Variants in ST6GALNAC3 observed in about 807,000 individuals in gnomAD.
ST6GALNAC3 encodes the protein ST6 N-acetylgalactosaminide alpha-2,6-sialyltransferase 3, also known as alpha-N-acetylgalactosaminide alpha-2,6-sialyltransferase 3.
In ST6GALNAC3, 25 loss-of-function variants were observed where a neutral mutation model predicts 32.7. That is an observed-to-expected ratio of 0.76 (90% CI 0.56 to 1.07). ST6GALNAC3 has a LOEUF of 1.07. ST6GALNAC3 is among the 50% of genes least tolerant of loss of function. The probability of loss-of-function intolerance (pLI) is 0.00; values close to 1 mark genes in which losing one functional copy is unlikely to be tolerated. For synonymous variants in ST6GALNAC3, 129 were observed against 133.1 expected, an observed-to-expected ratio of 0.97 and a Z score of 0.21; for missense variants, 355 against 382.4, an observed-to-expected ratio of 0.93 and a Z score of 0.60.
chr1:76,619,695 T>C (rs1384424971), intron 3 of ST6GALNAC3, among the ~76,000 whole-genome samples: 1 of 151,804 alleles, frequency 6.6e-6, no homozygotes, highest in African/African-American at 2.4e-5. Context: ...ATTGGTGCTA[T>C]TTATGCATCC....
At chr1:76,200,447 T>C (rs532473475) in intron 1 of ST6GALNAC3, among the ~76,000 whole-genome samples, 1 of 152,278 alleles carries the variant, frequency 6.6e-6, no homozygotes, top group African/African-American at 2.4e-5. Flanking sequence ...GATCCCTCTA[T>C]CTTTCAGGGG....
intron 3 of ST6GALNAC3, among the ~76,000 whole-genome samples, chr1:76,497,084 T>G (rs1204118848): frequency 1.3e-5 from 2 of 152,232 alleles, no homozygotes; most frequent in African/African-American, 4.8e-5. Flanking sequence ...ATGGCCTGCT[T>G]TCTTCGGGAG....
intron 3 of ST6GALNAC3, among the ~76,000 whole-genome samples, chr1:76,541,528 A>ATATAAATAT (rs1256296758): frequency 2.0e-5 from 3 of 152,220 alleles, no homozygotes; most frequent in Non-Finnish European, 2.9e-5. Context: ...TTAATTTGAG[A>ATATAAATAT]TATAAATATT....
At chr1:76,328,517 A>G (rs1049005116) in intron 2 of ST6GALNAC3, among the ~76,000 whole-genome samples, 1 of 152,214 alleles carries the variant, frequency 6.6e-6, no homozygotes, top group South Asian at 2.1e-4. Context: ...TTTTCAAAAT[A>G]GTGCTCTTTT....
At chr1:76,318,592 C>T (rs565488083) in intron 2 of ST6GALNAC3, among the ~76,000 whole-genome samples, 5 of 152,204 alleles carry the variant, frequency 3.3e-5, no homozygotes, top group African/African-American at 9.6e-5. Flanking sequence ...GTGTCATTAC[C>T]GTGTCTATAA....
In ST6GALNAC3 at chr1:76,633,512, A is replaced by G. The variant is rs1477829036; in HGVS notation, c.*4706A>G. ...GTCAGTTTCTTAGTTTCTCTTTGTG[A>G]TTGAGGATGAGCAAGCCATTGATAC... On this transcript the variant is annotated 3_prime_UTR_variant, in exon 5 of 5. Transcript: ENST00000328299. The G allele has an allele frequency of 6.6e-6, 1 of 152,158 alleles. No individual in the cohort carries two copies. Among genetic ancestry groups the G allele is most frequent in the Non-Finnish European group, 1.5e-5 (1 of 68,038 alleles). 9.4% of individuals were successfully genotyped at this position (152,158 alleles called of 1,614,324 possible). A position where few individuals can be genotyped will look rare whatever the true frequency, so the allele number is the denominator to read the frequency against.
At chr1:76,447,834 G>A (rs1372993793) in intron 3 of ST6GALNAC3, among the ~76,000 whole-genome samples, 4 of 152,146 alleles carry the variant, frequency 2.6e-5, no homozygotes, top group Non-Finnish European at 5.9e-5. Context: ...GAGGATGTAT[G>A]GAAACACCTG....
intron 1 of ST6GALNAC3, among the ~76,000 whole-genome samples, chr1:76,243,096 C>A (rs1657058109): frequency 6.6e-6 from 1 of 152,142 alleles, no homozygotes; most frequent in African/African-American, 2.4e-5. Context: ...TCATATTTCT[C>A]CACATCCTCT....
chr1:76,154,650 G>T lies in ST6GALNAC3; in HGVS notation c.18+79766G>T, dbSNP rs192435713. 2.0e-5 allele frequency among the ~76,000 whole-genome samples: 3 copies of T among 152,254 alleles called. No homozygotes were observed. The East Asian group carries it at 5.8e-4, about 29-fold the overall frequency. On this transcript the variant is annotated intron_variant, in intron 1 of 4. Transcript: ENST00000328299. The stretch of plus-strand genomic sequence containing the variant: ...TCCCTAACCTGGTTGCAATGTGGCC[G>T]TAGCATGCTTGTGTTGACATCTGAC...
At chr1:76,527,838 G>A (rs900851027) in intron 3 of ST6GALNAC3, among the ~76,000 whole-genome samples, 3 of 152,062 alleles carry the variant, frequency 2.0e-5, no homozygotes, top group African/African-American at 7.2e-5. Context: ...GGCCTTGATT[G>A]TCCCACATAA....
intron 1 of ST6GALNAC3, among the ~76,000 whole-genome samples, chr1:76,200,867 C>T (rs1166256740): frequency 6.6e-6 from 1 of 151,964 alleles, no homozygotes; most frequent in South Asian, 2.1e-4. Flanking sequence ...GGTAAGGAGG[C>T]AGGATGGAGT....
intron 3 of ST6GALNAC3, among the ~76,000 whole-genome samples, chr1:76,552,834 A>G (rs1161073087): frequency 1.3e-5 from 2 of 152,134 alleles, no homozygotes; most frequent in African/African-American, 4.8e-5. Flanking sequence ...TGGTAACTTT[A>G]TGTTGCATTA....
At chr1:76,188,469 T>C (rs1305863687) in intron 1 of ST6GALNAC3, among the ~76,000 whole-genome samples, 1 of 152,170 alleles carries the variant, frequency 6.6e-6, no homozygotes, top group Non-Finnish European at 1.5e-5. Flanking sequence ...TGGTGATGTT[T>C]CTAAGGGATT....
intron 3 of ST6GALNAC3, among the ~76,000 whole-genome samples, chr1:76,579,672 G>T: frequency 6.6e-6 from 1 of 151,952 alleles, no homozygotes; most frequent in Admixed American, 6.6e-5. Context: ...AAAAATGATT[G>T]TTTGTCCTGT....
chr1:76,148,157 A>G (rs1231710994), intron 1 of ST6GALNAC3, among the ~76,000 whole-genome samples: 1 of 152,202 alleles, frequency 6.6e-6, no homozygotes. Context: ...CTCAGTCTGT[A>G]CCATGGGGAC....
chr1:76,559,233 A>G (rs1215631625), intron 3 of ST6GALNAC3, among the ~76,000 whole-genome samples: 1 of 152,154 alleles, frequency 6.6e-6, no homozygotes, highest in Non-Finnish European at 1.5e-5. Flanking sequence ...CTACTGAAGA[A>G]TTTTGAATAT....
Position 76,363,205 on chromosome 1 carries a change from A to G in ST6GALNAC3, c.214-48803A>G, listed in dbSNP as rs1484148480. On this transcript the variant is annotated intron_variant, in intron 2 of 4. Transcript: ENST00000328299. ...ACACATTTGAGCATAGGTTGTTATT[A>G]ACAGCTGGGCCACATATCGTACACT... Among the ~76,000 whole-genome samples the G allele has an allele frequency of 2.0e-5, 3 of 152,310 alleles. No homozygotes were observed. The East Asian group carries it at 5.8e-4, about 29-fold the overall frequency.
intron 3 of ST6GALNAC3, among the ~76,000 whole-genome samples, chr1:76,434,868 G>A (rs1203975313): frequency 2.9e-5 from 4 of 136,458 alleles, no homozygotes; most frequent in Admixed American, 8.4e-5. Flanking sequence ...TTGGCTCACT[G>A]CAACCTCTGC....
chr1:76,390,836 A>T (rs1652474399), intron 2 of ST6GALNAC3, among the ~76,000 whole-genome samples: 1 of 151,610 alleles, frequency 6.6e-6, no homozygotes, highest in South Asian at 2.1e-4. Context: ...TTAGGTTTTT[A>T]CATGGGAAAT....
Sources: allele counts gnomAD v4.1 joint callset (sites outside exome capture counted in the v4.1 genomes callset), GRCh38; gene constraint gnomAD v4.1.1; transcripts MANE v1.5; gene names NCBI Gene and HGNC (gene_info 2026-07-23, HGNC 2026-07-21).